MYCBP2: variants seen among roughly 807,000 people sequenced by gnomAD.
MYCBP2 encodes E3 ubiquitin-protein ligase MYCBP2.
Under a neutral mutation model 525.3 loss-of-function variants are expected in MYCBP2, and 120 were observed. The observed-to-expected ratio is 0.23, with a 90% confidence interval of 0.20 to 0.27. MYCBP2 has a LOEUF of 0.27. Ranked by LOEUF, MYCBP2 falls within the 10% of genes least tolerant of loss-of-function variation. The pLI, the probability that MYCBP2 is intolerant of heterozygous loss-of-function variation, is 1.00. For missense variants in MYCBP2, 4,149 were observed against 5,657.1 expected (o/e 0.73, Z 8.55); for synonymous variants, 1,894 against 1,955.8 (o/e 0.97, Z 0.83).
rs1168259024 is a variant in MYCBP2 at position 77,260,501 on chromosome 13, T to C, written c.1944A>G (p.Gly648=). The C allele has an allele frequency of 1.2e-6, 2 of 1,611,454 alleles. No homozygotes were observed. The highest frequency in any genetic ancestry group is 1.7e-6 in the Non-Finnish European group (2 of 1,178,586). The change falls in exon 13 of 83, where the codon GGA becomes GGG. Residue 648 remains glycine (G), a synonymous_variant. Coordinates refer to ENST00000544440, the MANE Select transcript of MYCBP2 (RefSeq NM_015057.5). ...KIVVYTACNN[G]SSSVISKDGE... The stretch of plus-strand genomic sequence containing the variant: ...CATCTTTAGAAATAACAGAACTACT[T>C]CCATTATTGCAGGCTGTATATACCA...
At chr13:77,233,102 G>A (rs2067351026) in intron 18 of MYCBP2, 54 bp downstream of exon 18, 1 of 1,465,840 alleles carries the variant, frequency 6.8e-7, no homozygotes, top group Non-Finnish European at 9.5e-7. Context: ...AAATTCAAAT[G>A]AGTGGAAGAA....
intron 1 of MYCBP2, among the ~76,000 whole-genome samples, chr13:77,318,261 G>A (rs2081197741): frequency 6.6e-6 from 1 of 152,180 alleles, no homozygotes; most frequent in South Asian, 2.1e-4. Flanking sequence ...ACTGGTGAAT[G>A]AAAACCCTTT....
chr13:77,117,154 T>C (rs2049918819), intron 55 of MYCBP2, among the ~76,000 whole-genome samples: 1 of 152,084 alleles, frequency 6.6e-6, no homozygotes, highest in Non-Finnish European at 1.5e-5. Context: ...TCCTCACTTC[T>C]GTTTCATTCT....
At chr13:77,207,324 A>C (rs540913177) in intron 23 of MYCBP2, among the ~76,000 whole-genome samples, 97 of 152,322 alleles carry the variant, frequency 6.4e-4, no homozygotes, top group African/African-American at 2.1e-3. Context: ...CATATGAATA[A>C]ACAGTAAAAA....
At chr13:77,239,453 T>C (rs1414024871) in intron 17 of MYCBP2, among the ~76,000 whole-genome samples, 1 of 152,182 alleles carries the variant, frequency 6.6e-6, no homozygotes, top group Admixed American at 6.5e-5. Flanking sequence ...GAGAAGAGCC[T>C]TAGAACACTG....
intron 82 of MYCBP2, 72 bp downstream of exon 82, chr13:77,050,925 C>G (rs137865219): frequency 1.5e-6 from 2 of 1,315,678 alleles, no homozygotes; most frequent in South Asian, 1.4e-5. Flanking sequence ...TGAAACAGAG[C>G]TTTCATATAA....
At chr13:77,282,838 T>G (rs2154354209) in intron 3 of MYCBP2, among the ~76,000 whole-genome samples, 1 of 152,316 alleles carries the variant, frequency 6.6e-6, no homozygotes, top group Admixed American at 6.5e-5. Flanking sequence ...AAGAATATCT[T>G]TAGATTCTGC....
chr13:77,224,382 G>GA, intron 20 of MYCBP2, 69 bp downstream of exon 20: 1 of 981,492 alleles, frequency 1.0e-6, no homozygotes, highest in Non-Finnish European at 1.6e-6. Context: ...AGAAAAGAAA[G>GA]AAAAAAGAAG....
intron 2 of MYCBP2, among the ~76,000 whole-genome samples, chr13:77,289,598 G>T (rs1301104238): frequency 6.6e-6 from 1 of 152,006 alleles, no homozygotes; most frequent in Non-Finnish European, 1.5e-5. Flanking sequence ...AGCTAACATG[G>T]TAATAGACTG....
At position 77,067,575 on chromosome 13, in the gene MYCBP2, A is replaced by C; in HGVS notation, c.12455+6T>G. Reference sequence around the variant, plus strand: ...TTTTGGTACTAAAATAGAGGCAATAACTAACCTGGAATTGAAAATCATCGG... The same window carrying C: ...TTTTGGTACTAAAATAGAGGCAATACCTAACCTGGAATTGAAAATCATCGG... On this transcript the variant is annotated splice_donor_region_variant and intron_variant, in intron 71 of 82. Coordinates refer to ENST00000544440, the MANE Select transcript of MYCBP2 (RefSeq NM_015057.5). 1 of 1,613,792 alleles carries C rather than the reference A, an allele frequency of 6.2e-7. No individual in the cohort carries two copies. The highest frequency in any genetic ancestry group is 8.5e-7 in the Non-Finnish European group (1 of 1,179,702).
At chr13:77,161,826 A>G in intron 44 of MYCBP2, 80 bp downstream of exon 44, 1 of 1,105,254 alleles carries the variant, frequency 9.0e-7, no homozygotes, top group Non-Finnish European at 1.3e-6. Flanking sequence ...CCCAATGGTC[A>G]AGACAAATAG....
intron 60 of MYCBP2, among the ~76,000 whole-genome samples, chr13:77,089,632 C>T (rs1455185600): frequency 6.6e-6 from 1 of 151,318 alleles, no homozygotes; most frequent in Non-Finnish European, 1.5e-5. Flanking sequence ...ACCAACTGGT[C>T]CAGATCATGT....
At chr13:77,203,805 C>G (rs1191199306) in intron 26 of MYCBP2, among the ~76,000 whole-genome samples, 2 of 151,842 alleles carry the variant, frequency 1.3e-5, no homozygotes, top group Non-Finnish European at 3.0e-5. Context: ...AAAGGATTCC[C>G]TATTTAATAA....
chr13:77,203,549 A>T (rs1446109059), intron 26 of MYCBP2, among the ~76,000 whole-genome samples: 1 of 152,140 alleles, frequency 6.6e-6, no homozygotes, highest in East Asian at 1.9e-4. Context: ...AAACTACTTT[A>T]AAGTTCATAT....
At chr13:77,251,115 T>C (rs763490791) in intron 15 of MYCBP2, 36 bp downstream of exon 15, 7 of 1,593,302 alleles carry the variant, frequency 4.4e-6, no homozygotes, top group Admixed American at 1.7e-5. Flanking sequence ...AAATGTGTTC[T>C]GCACATGTTC....
In MYCBP2 at chr13:77,098,914, C is replaced by T. The variant is rs968279296; in HGVS notation, c.8240G>A (p.Arg2747His). The T allele has an allele frequency of 1.1e-5, 17 of 1,613,536 alleles. No homozygotes were observed. The highest frequency in any genetic ancestry group is 5.5e-5 in the South Asian group (5 of 91,070). Reference sequence around the variant, plus strand: ...CTGATCAGCAGTAGTCCGGCTCATACGTCCATCAGGTTTAAGCGATCTGCT... The same window carrying T: ...CTGATCAGCAGTAGTCCGGCTCATATGTCCATCAGGTTTAAGCGATCTGCT... ...KHSRSLKPDG[R>H]MSRTTADQKK... Residue 2747 changes from arginine (R) to histidine (H), a missense_variant, in exon 56 of 83, where the codon CGT becomes CAT. By Grantham distance (29) the Arg-to-His change is conservative. This residue lies in a region of MYCBP2 where 653 missense variants were observed against 744.7 expected (regional missense o/e 0.88). Transcript: ENST00000544440.
intron 56 of MYCBP2, among the ~76,000 whole-genome samples, chr13:77,097,086 C>T (rs554442804): frequency 6.6e-6 from 1 of 152,278 alleles, no homozygotes; most frequent in East Asian, 1.9e-4. Context: ...ACTGTTTCTG[C>T]TGTGTGAGAC....
chr13:77,307,193 C>T (rs2079547485), intron 1 of MYCBP2, among the ~76,000 whole-genome samples: 1 of 152,120 alleles, frequency 6.6e-6, no homozygotes, highest in African/African-American at 2.4e-5. Context: ...CCAAAAGAGA[C>T]AGCTCTTACT....
intron 24 of MYCBP2, 48 bp from the exon 25 acceptor site, chr13:77,205,646 C>T (rs1274755441): frequency 6.4e-7 from 1 of 1,552,668 alleles, no homozygotes; most frequent in Non-Finnish European, 8.8e-7. Flanking sequence ...TTAAAATGTC[C>T]TATGGTATTG....
Sources: allele counts gnomAD v4.1 joint callset (sites outside exome capture counted in the v4.1 genomes callset), GRCh38; gene constraint gnomAD v4.1.1; regional missense constraint gnomAD v4.1.1; transcripts MANE v1.5; gene names NCBI Gene and HGNC (gene_info 2026-07-23, HGNC 2026-07-21).